Variants in UNC5D observed in about 807,000 individuals in gnomAD.
UNC5D encodes the protein netrin receptor UNC5D.
Under a neutral mutation model 105.4 loss-of-function variants are expected in UNC5D, and 39 were observed. That is an observed-to-expected ratio of 0.37 (90% CI 0.29 to 0.48). UNC5D has a LOEUF of 0.48. Among genes scored for constraint, UNC5D ranks in the 20% least tolerant of loss-of-function variants. The probability of loss-of-function intolerance (pLI) is 0.98; values close to 1 mark genes in which losing one functional copy is unlikely to be tolerated. For synonymous variants in UNC5D, 452 were observed against 450.4 expected, an observed-to-expected ratio of 1.00 and a Z score of -0.04; for missense variants, 991 against 1,202.4, an observed-to-expected ratio of 0.82 and a Z score of 2.60.
At chr8:35,470,080 A>G (rs1382590863) in intron 1 of UNC5D, among the ~76,000 whole-genome samples, 2 of 152,188 alleles carry the variant, frequency 1.3e-5, no homozygotes, top group African/African-American at 4.8e-5. Context: ...CCAGCTGAAT[A>G]TTAAGTAGAA....
At chr8:35,378,933 G>T (rs1802863454) in intron 1 of UNC5D, among the ~76,000 whole-genome samples, 1 of 152,172 alleles carries the variant, frequency 6.6e-6, no homozygotes, top group Admixed American at 6.5e-5. Flanking sequence ...AAAGCGAAAG[G>T]CAGTGTCTCT....
At chr8:35,455,775 G>A (rs1157599512) in intron 1 of UNC5D, among the ~76,000 whole-genome samples, 2 of 152,012 alleles carry the variant, frequency 1.3e-5, no homozygotes, top group African/African-American at 4.8e-5. Context: ...CTTACATGGT[G>A]GTAGGCAAGA....
chr8:35,707,339 C>T (rs897140566), intron 8 of UNC5D, among the ~76,000 whole-genome samples: 1 of 152,152 alleles, frequency 6.6e-6, no homozygotes, highest in African/African-American at 2.4e-5. Context: ...AACATTTAAA[C>T]TTATTTCCCT....
At chr8:35,579,291 G>A (rs553055471) in intron 3 of UNC5D, among the ~76,000 whole-genome samples, 1 of 152,298 alleles carries the variant, frequency 6.6e-6, no homozygotes, top group Non-Finnish European at 1.5e-5. Context: ...TTGCCAAGTG[G>A]TGAAAGAATA....
chr8:35,789,895 AACACACACACACAC>A (rs56702865), intron 16 of UNC5D, among the ~76,000 whole-genome samples: 5 of 142,680 alleles, frequency 3.5e-5, no homozygotes, highest in Non-Finnish European at 6.2e-5. Context: ...TCAAGAAGAA[AACACACACACACAC>A]ACACACACAC....
At chr8:35,405,209 A>C (rs1048923844) in intron 1 of UNC5D, among the ~76,000 whole-genome samples, 9 of 152,126 alleles carry the variant, frequency 5.9e-5, no homozygotes, top group African/African-American at 1.4e-4. Flanking sequence ...CACCCAGATA[A>C]TGGGGAAAGG....
chr8:35,704,603 T>G (rs1827423360), intron 7 of UNC5D, among the ~76,000 whole-genome samples: 1 of 152,164 alleles, frequency 6.6e-6, no homozygotes, highest in South Asian at 2.1e-4. Context: ...ATCAACAGCC[T>G]GGATCCCTGT....
intron 7 of UNC5D, among the ~76,000 whole-genome samples, chr8:35,699,699 T>G (rs1407454877): frequency 1.3e-5 from 2 of 152,106 alleles, no homozygotes; most frequent in African/African-American, 4.8e-5. Flanking sequence ...ATAGATCTTG[T>G]GATGTCTATA....
intron 4 of UNC5D, among the ~76,000 whole-genome samples, chr8:35,630,282 A>G (rs567253507): frequency 6.6e-6 from 1 of 152,338 alleles, no homozygotes; most frequent in East Asian, 1.9e-4. Context: ...CCAATGATCT[A>G]CAACTGTTTT....
intron 2 of UNC5D, among the ~76,000 whole-genome samples, chr8:35,560,547 TA>T (rs1420299548): frequency 2.6e-5 from 4 of 152,224 alleles, no homozygotes; most frequent in African/African-American, 9.6e-5. Flanking sequence ...AGAATGTATT[TA>T]AAAAATTGTT....
At chr8:35,334,182 A>G (rs1563321850) in intron 1 of UNC5D, among the ~76,000 whole-genome samples, 2 of 152,238 alleles carry the variant, frequency 1.3e-5, no homozygotes, top group African/African-American at 2.4e-5. Context: ...CACCTAGACA[A>G]GGAAAAACTA....
intron 10 of UNC5D, among the ~76,000 whole-genome samples, chr8:35,728,066 G>A (rs1828972489): frequency 1.4e-5 from 1 of 72,936 alleles, no homozygotes; most frequent in Non-Finnish European, 2.2e-5. Context: ...GCAAGTTGCT[G>A]TCTCTAAAAA....
chr8:35,521,992 T>C lies in UNC5D; in HGVS notation c.104-27300T>C, dbSNP rs145244391. ...TCAGGCTTTATGTGCCTCCCTCAGA[T>C]ACTGAACTTAACATCCCCGGAGGAA... On this transcript the variant is annotated intron_variant, in intron 1 of 16. Coordinates refer to ENST00000404895, the MANE Select transcript of UNC5D (RefSeq NM_080872.4). Among the ~76,000 whole-genome samples, 7 of 152,288 alleles carry C rather than the reference T, an allele frequency of 4.6e-5. No individual in the cohort carries two copies. In the East Asian group the frequency reaches 1.2e-3, roughly 25 times the overall value.
intron 1 of UNC5D, among the ~76,000 whole-genome samples, chr8:35,270,979 C>A (rs1805240921): frequency 2.0e-5 from 3 of 151,766 alleles, no homozygotes; most frequent in South Asian, 4.2e-4. Flanking sequence ...AGGTCTCCTG[C>A]CATTTCTCAT....
intron 1 of UNC5D, among the ~76,000 whole-genome samples, chr8:35,320,848 G>C (rs940445906): frequency 1.3e-5 from 2 of 152,114 alleles, no homozygotes; most frequent in Non-Finnish European, 2.9e-5. Context: ...CAGTTGATTG[G>C]GGGGCTTGGA....
intron 3 of UNC5D, 30 bp from the exon 4 acceptor site, chr8:35,595,524 A>T: frequency 1.2e-6 from 2 of 1,605,686 alleles, no homozygotes; most frequent in African/African-American, 1.3e-5. Context: ...ACTTGAAACA[A>T]AGTGTCACCT....
intron 1 of UNC5D, among the ~76,000 whole-genome samples, chr8:35,345,578 A>G (rs1056462923): frequency 6.6e-6 from 1 of 152,048 alleles, no homozygotes. Flanking sequence ...TTCATCTTTG[A>G]CTGTGTTGGG....
At chr8:35,336,863 A>T (rs1403090573) in intron 1 of UNC5D, among the ~76,000 whole-genome samples, 1 of 151,992 alleles carries the variant, frequency 6.6e-6, no homozygotes, top group East Asian at 1.9e-4. Flanking sequence ...CTTATATGAA[A>T]TTAACCATAA....
At chr8:35,580,264 A>G (rs1361873516) in intron 3 of UNC5D, among the ~76,000 whole-genome samples, 1 of 152,148 alleles carries the variant, frequency 6.6e-6, no homozygotes, top group Non-Finnish European at 1.5e-5. Flanking sequence ...AATTTCAAGG[A>G]TATGAGAGCA....
Sources: gnomAD v4.1 joint callset for allele counts (sites outside exome capture counted in the v4.1 genomes callset) on GRCh38, gnomAD v4.1.1 for gene constraint, MANE v1.5 for transcripts, NCBI Gene and HGNC (gene_info 2026-07-23, HGNC 2026-07-21) for gene names.